Variants in TMEM114 observed in about 807,000 individuals in gnomAD.
The protein encoded by TMEM114 is claudin-26.
Under a neutral mutation model 6.2 loss-of-function variants are expected in TMEM114, and 6 were observed. That is an observed-to-expected ratio of 0.97 (90% CI 0.53 to 1.91). TMEM114 has a LOEUF of 1.91. Among genes scored for constraint, TMEM114 ranks in the 40% most tolerant of loss-of-function variants. The pLI is 0.01. For synonymous variants in TMEM114, 104 were observed against 73.0 expected, an observed-to-expected ratio of 1.42 and a Z score of -2.16; for missense variants, 218 against 158.3, an observed-to-expected ratio of 1.38 and a Z score of -2.02.
intron 2 of TMEM114, among the ~76,000 whole-genome samples, chr16:8,543,408 C>T (rs1471902102): frequency 1.3e-5 from 2 of 152,022 alleles, no homozygotes; most frequent in Non-Finnish European, 2.9e-5. Flanking sequence ...CCTGCTTTCC[C>T]TACCTACCAA....
intron 2 of TMEM114, among the ~76,000 whole-genome samples, chr16:8,564,294 T>A (rs1178056177): frequency 1.4e-5 from 2 of 145,308 alleles, no homozygotes; most frequent in South Asian, 2.2e-4. Flanking sequence ...ATGAAATAAG[T>A]GAATGAGTGA....
In TMEM114 at chr16:8,572,284, C is replaced by G. The variant is rs1487133152; in HGVS notation, c.302-60G>C. The G allele has an allele frequency of 1.2e-5, 19 of 1,542,518 alleles. No homozygotes were observed. In the East Asian group the frequency reaches 4.2e-4, roughly 34 times the overall value. ...CAGTTACTAACATCCTTCATTCAAT[C>G]AACAAACACTTCCCGAGCACCTACT... On this transcript the variant is annotated intron_variant, in intron 2 of 3. Coordinates refer to ENST00000620492, the MANE Select transcript of TMEM114 (RefSeq NM_001146336.2).
At chr16:8,588,487 G>A (rs995272367) in intron 2 of TMEM114, among the ~76,000 whole-genome samples, 14 of 152,136 alleles carry the variant, frequency 9.2e-5, no homozygotes, top group African/African-American at 1.4e-4. Context: ...CTCCACGTCT[G>A]GCTTATCTCA....
intron 2 of TMEM114, among the ~76,000 whole-genome samples, chr16:8,580,920 G>A (rs1489876918): frequency 1.3e-5 from 2 of 152,152 alleles, no homozygotes; most frequent in Non-Finnish European, 2.9e-5. Context: ...TAGAACTCCT[G>A]AGCTCAAGTG....
chr16:8,583,871 T>G (rs1902232958), intron 2 of TMEM114, among the ~76,000 whole-genome samples: 2 of 152,190 alleles, frequency 1.3e-5, no homozygotes, highest in Non-Finnish European at 2.9e-5. Context: ...TGTGATCATG[T>G]GACCAATCCT....
At chr16:8,545,284 A>C (rs541013748) in intron 2 of TMEM114, among the ~76,000 whole-genome samples, 168 of 152,172 alleles carry the variant, frequency 1.1e-3, no homozygotes, top group Non-Finnish European at 2.1e-3. Context: ...CAAAAAATAA[A>C]AAATAACCAG....
intron 2 of TMEM114, among the ~76,000 whole-genome samples, chr16:8,540,752 T>C (rs1214808614): frequency 3.3e-5 from 5 of 152,182 alleles, no homozygotes; most frequent in Non-Finnish European, 7.3e-5. Flanking sequence ...GTGGGAGAGA[T>C]GGACATAAAC....
chr16:8,572,139 G>C lies in TMEM114; in HGVS notation c.387C>G (p.Leu129=), dbSNP rs1228238834. ...FGGMTGFLSF[L]LQAYLLLLLT... is the part of the protein sequence containing the mutation. ...GCAGGAGGAGGAGGTAGGCTTGGAG[G>C]AGGAAGCTCAGAAACCCCGTCATCC... Residue 129 remains leucine (L), a synonymous_variant, in exon 3 of 4, where the codon CTC becomes CTG. Coordinates refer to ENST00000620492, the MANE Select transcript of TMEM114 (RefSeq NM_001146336.2). The C allele has an allele frequency of 1.4e-5, 22 of 1,551,482 alleles. No individual in the cohort carries two copies. Among genetic ancestry groups the C allele is most frequent in the Admixed American group, 2.0e-5 (1 of 50,968 alleles).
At chr16:8,558,618 T>C (rs1459584199) in intron 2 of TMEM114, among the ~76,000 whole-genome samples, 1 of 152,194 alleles carries the variant, frequency 6.6e-6, no homozygotes, top group African/African-American at 2.4e-5. Flanking sequence ...GGGCACATGC[T>C]TGAACCTCCA....
intron 2 of TMEM114, among the ~76,000 whole-genome samples, chr16:8,550,718 A>G (rs1444423789): frequency 6.7e-6 from 1 of 148,932 alleles, no homozygotes; most frequent in Non-Finnish European, 1.5e-5. Context: ...AAAAGCAAGC[A>G]AACAAACAAA....
At chr16:8,553,081 G>A (rs1900897049) in intron 2 of TMEM114, among the ~76,000 whole-genome samples, 2 of 152,132 alleles carry the variant, frequency 1.3e-5, no homozygotes, top group Non-Finnish European at 2.9e-5. Context: ...CCTCCCCTTT[G>A]TTGCTCACCC....
chr16:8,526,816 T>C, the TMEM114 span: 1 of 152,234 alleles, frequency 6.6e-6, no homozygotes, highest in Non-Finnish European at 1.5e-5. Flanking sequence ...CATCCCCTGG[T>C]CTACAAGAAA....
At chr16:8,564,762 T>C (rs1262330464), downstream of TMEM114, among the ~76,000 whole-genome samples, 2 of 149,772 alleles carry the variant, frequency 1.3e-5, no homozygotes, top group Non-Finnish European at 1.5e-5. Context: ...AATGAGTGAG[T>C]GAATGAGTAA....
chr16:8,528,030 T>C, the TMEM114 span, among the ~76,000 whole-genome samples: 2 of 152,134 alleles, frequency 1.3e-5, no homozygotes, highest in Non-Finnish European at 2.9e-5. Flanking sequence ...CGCCTCAGCT[T>C]CCTGCGTAGC....
intron 2 of TMEM114, among the ~76,000 whole-genome samples, chr16:8,555,337 G>C (rs1319626871): frequency 1.3e-5 from 2 of 152,236 alleles, no homozygotes; most frequent in African/African-American, 4.8e-5. Flanking sequence ...TGCAAGAGCA[G>C]GGCTACCCCA....
At chr16:8,545,817 T>A (rs1255726294) in intron 2 of TMEM114, among the ~76,000 whole-genome samples, 2 of 152,120 alleles carry the variant, frequency 1.3e-5, no homozygotes, top group East Asian at 3.9e-4. Flanking sequence ...ACCTTTGATT[T>A]CATAAATAAA....
chr16:8,554,380 C>T (rs554492988), intron 2 of TMEM114, among the ~76,000 whole-genome samples: 1 of 151,980 alleles, frequency 6.6e-6, no homozygotes, highest in Admixed American at 6.6e-5. Context: ...ATGATTGCAC[C>T]AAACTCTGTC....
intron 2 of TMEM114, among the ~76,000 whole-genome samples, chr16:8,552,525 C>A (rs1900879429): frequency 1.3e-5 from 2 of 152,128 alleles, no homozygotes; most frequent in Admixed American, 6.6e-5. Flanking sequence ...CACACACACA[C>A]ACACAAAGAT....
chr16:8,527,452 C>A, the TMEM114 span, among the ~76,000 whole-genome samples: 1 of 152,142 alleles, frequency 6.6e-6, no homozygotes, highest in Non-Finnish European at 1.5e-5. Context: ...GTGAGATGAG[C>A]ATAAAATGGA....
Sources: gnomAD v4.1 joint callset for allele counts (sites outside exome capture counted in the v4.1 genomes callset) on GRCh38, gnomAD v4.1.1 for gene constraint, MANE v1.5 for transcripts, NCBI Gene and HGNC (gene_info 2026-07-23, HGNC 2026-07-21) for gene names.